LINGO2: variants seen among roughly 807,000 people sequenced by gnomAD.
LINGO2 encodes the protein leucine-rich repeat and immunoglobulin-like domain-containing nogo receptor-interacting protein 2.
LINGO2 carries 14 observed loss-of-function variants against 30.6 expected under a neutral mutation model. That is an observed-to-expected ratio of 0.46 (90% CI 0.30 to 0.72). LINGO2 has a LOEUF of 0.72. Ranked by LOEUF, LINGO2 falls within the 30% of genes least tolerant of loss-of-function variation. The pLI is 0.07. For synonymous variants in LINGO2, 317 were observed against 288.5 expected, an observed-to-expected ratio of 1.10 and a Z score of -1.00; for missense variants, 729 against 751.7, an observed-to-expected ratio of 0.97 and a Z score of 0.35.
the LINGO2 span, among the ~76,000 whole-genome samples, chr9:29,010,951 G>A: frequency 1.3e-5 from 2 of 152,114 alleles, no homozygotes; most frequent in Non-Finnish European, 2.9e-5. Flanking sequence ...GTGATTCTGA[G>A]GCCGAACTCT....
chr9:28,907,464 A>C, the LINGO2 span, among the ~76,000 whole-genome samples: 2 of 151,764 alleles, frequency 1.3e-5, no homozygotes, highest in African/African-American at 4.8e-5. Flanking sequence ...GTAGATTTCT[A>C]ATGAGAAGTA....
intron 3 of LINGO2, among the ~76,000 whole-genome samples, chr9:28,295,660 C>T (rs72709356): frequency 0.022 from 3,396 of 152,168 alleles, 91 homozygotes; most frequent in African/African-American, 0.057. Flanking sequence ...ATAGTATGTA[C>T]CGCCTCTTCT....
the LINGO2 span, among the ~76,000 whole-genome samples, chr9:29,082,436 G>A: frequency 6.6e-6 from 1 of 152,106 alleles, no homozygotes; most frequent in Non-Finnish European, 1.5e-5. Context: ...AATTCAAGAT[G>A]GCTTAAAGAC....
chr9:29,017,938 T>C, the LINGO2 span, among the ~76,000 whole-genome samples: 1 of 151,586 alleles, frequency 6.6e-6, no homozygotes, highest in Non-Finnish European at 1.5e-5. Context: ...AGCAGTAAGA[T>C]TGCTCTACTC....
At chr9:29,068,903 T>C in the LINGO2 span, among the ~76,000 whole-genome samples, 29,886 of 151,714 alleles carry the variant, frequency 0.2, 3,089 homozygotes, top group African/African-American at 0.24. Context: ...TAGTGTAAAC[T>C]AACAGGGTAA....
chr9:29,122,355 C>T, the LINGO2 span, among the ~76,000 whole-genome samples: 3 of 151,908 alleles, frequency 2.0e-5, no homozygotes, highest in African/African-American at 4.8e-5. Flanking sequence ...AATCACATTG[C>T]GTTTACTTGT....
chr9:28,673,144 T>C (rs1296692205), upstream of LINGO2, among the ~76,000 whole-genome samples: 1 of 152,104 alleles, frequency 6.6e-6, no homozygotes, highest in Non-Finnish European at 1.5e-5. Context: ...AAGTAGAAAT[T>C]CCTTCAGAGT....
chr9:28,705,996 T>G, the LINGO2 span, among the ~76,000 whole-genome samples: 1 of 152,102 alleles, frequency 6.6e-6, no homozygotes, highest in Non-Finnish European at 1.5e-5. Flanking sequence ...CCAAGCTCCT[T>G]ACTTTTGTGA....
At chr9:28,494,903 T>C (rs996958578) in intron 1 of LINGO2, among the ~76,000 whole-genome samples, 1 of 152,188 alleles carries the variant, frequency 6.6e-6, no homozygotes, top group Non-Finnish European at 1.5e-5. Context: ...TTTTAATGAT[T>C]GCCATTCTAA....
chr9:28,582,987 T>C (rs1824337005), intron 1 of LINGO2, among the ~76,000 whole-genome samples: 1 of 152,016 alleles, frequency 6.6e-6, no homozygotes, highest in Non-Finnish European at 1.5e-5. Context: ...TTATACACAG[T>C]ATAATTCTGT....
chr9:28,054,914 T>G (rs1023989087), intron 4 of LINGO2, among the ~76,000 whole-genome samples: 6 of 152,134 alleles, frequency 3.9e-5, no homozygotes, highest in Non-Finnish European at 8.8e-5. Flanking sequence ...ATTCCTGTTT[T>G]TTGTATGCCT....
At chr9:28,485,080 A>G (rs757001961) in intron 1 of LINGO2, among the ~76,000 whole-genome samples, 1 of 152,142 alleles carries the variant, frequency 6.6e-6, no homozygotes, top group South Asian at 2.1e-4. Context: ...CTAAGATTCC[A>G]TGTAAACCAT....
At chr9:28,833,698 G>T in the LINGO2 span, among the ~76,000 whole-genome samples, 2 of 152,162 alleles carry the variant, frequency 1.3e-5, no homozygotes, top group South Asian at 4.1e-4. Context: ...AGAGTTTGTA[G>T]GATTATTAAA....
the LINGO2 span, among the ~76,000 whole-genome samples, chr9:28,758,534 T>C: frequency 0.14 from 20,977 of 151,946 alleles, 1,731 homozygotes; most frequent in Non-Finnish European, 0.18. Flanking sequence ...AATTCACCCA[T>C]TCCCATATTG....
At chr9:29,158,951 A>G in the LINGO2 span, among the ~76,000 whole-genome samples, 1 of 152,180 alleles carries the variant, frequency 6.6e-6, no homozygotes, top group Non-Finnish European at 1.5e-5. Context: ...GTTATGAAAG[A>G]GAAGCCTTCA....
intron 4 of LINGO2, among the ~76,000 whole-genome samples, chr9:28,135,686 C>A (rs928455894): frequency 6.6e-6 from 1 of 152,032 alleles, no homozygotes; most frequent in African/African-American, 2.4e-5. Context: ...CACTCAGCCA[C>A]GTTAATCTTT....
At chr9:28,200,846 T>C (rs1174967473) in intron 4 of LINGO2, among the ~76,000 whole-genome samples, 1 of 152,200 alleles carries the variant, frequency 6.6e-6, no homozygotes, top group African/African-American at 2.4e-5. Context: ...AAAATGACTT[T>C]GGTTAAAAAC....
chr9:28,769,280 A>C, the LINGO2 span, among the ~76,000 whole-genome samples: 2 of 151,096 alleles, frequency 1.3e-5, no homozygotes, highest in Non-Finnish European at 3.0e-5. Flanking sequence ...CTGCATATAT[A>C]AAATGTGTTC....
At chr9:28,258,613 C>T (rs1407789278) in intron 4 of LINGO2, among the ~76,000 whole-genome samples, 2 of 151,900 alleles carry the variant, frequency 1.3e-5, no homozygotes, top group South Asian at 2.1e-4. Context: ...AAGAATTTTT[C>T]CCAGTCTGTT....
Sources: gnomAD v4.1 joint callset for allele counts (sites outside exome capture counted in the v4.1 genomes callset) on GRCh38, gnomAD v4.1.1 for gene constraint, MANE v1.5 for transcripts, NCBI Gene and HGNC (gene_info 2026-07-23, HGNC 2026-07-21) for gene names.